The following NUP107 variants were observed in gnomAD, a reference collection of about 807,000 sequenced individuals.
The protein encoded by NUP107 is nuclear pore complex protein Nup107.
Under a neutral mutation model 141.0 loss-of-function variants are expected in NUP107, and 101 were observed. That is an observed-to-expected ratio of 0.72 (90% confidence interval 0.61 to 0.84). NUP107 has a LOEUF of 0.84. NUP107 is among the 40% of genes least tolerant of loss of function. The pLI, the probability that NUP107 is intolerant of heterozygous loss-of-function variation, is 0.00. For missense variants in NUP107, 941 were observed against 1,102.7 expected (o/e 0.85, Z 2.08); for synonymous variants, 319 against 363.9 (o/e 0.88, Z 1.41).
At chr12:68,724,144 T>A (rs893551747) in intron 17 of NUP107, among the ~76,000 whole-genome samples, 6 of 151,976 alleles carry the variant, frequency 3.9e-5, no homozygotes, top group South Asian at 4.1e-4. Flanking sequence ...GTTTTTTTTT[T>A]AAAAGTCAAG....
At position 68,743,266 on chromosome 12, in the gene NUP107, G is replaced by C. The variant is rs1878395479; in HGVS notation, c.*804G>C. The C allele has an allele frequency of 6.6e-6, 1 of 152,306 alleles. No individual in the cohort carries two copies. The highest frequency in any genetic ancestry group is 1.5e-5 in the Non-Finnish European group (1 of 68,136). 9.4% of individuals were successfully genotyped at this position (152,306 alleles called of 1,614,324 possible). ...AATACAAAAATTAGCCGGGCATGGT[G>C]GCAGGTGCCTGTAATCCCAGCTACT... On this transcript the variant is annotated 3_prime_UTR_variant, in exon 28 of 28. Coordinates refer to ENST00000229179, the MANE Select transcript of NUP107 (RefSeq NM_020401.4).
intron 5 of NUP107, among the ~76,000 whole-genome samples, chr12:68,692,713 G>A (rs1053392598): frequency 6.6e-6 from 1 of 150,950 alleles, no homozygotes. Flanking sequence ...CTCCTGAATA[G>A]TTGGGACTGC....
intron 5 of NUP107, 22 bp from the exon 6 acceptor site, chr12:68,696,793 CTTTT>C: frequency 1.5e-5 from 15 of 1,027,262 alleles, no homozygotes; most frequent in South Asian, 6.6e-5. Flanking sequence ...TTCTTTATTC[CTTTT>C]TTTTTTTTTG....
rs117267556 is a variant in NUP107, at chr12:68,713,493, G to A, written c.891-237G>A. On this transcript the variant is annotated intron_variant, in intron 10 of 27. Coordinates refer to ENST00000229179, the MANE Select transcript of NUP107 (RefSeq NM_020401.4). ...GTAGAAAGATAATCCTAGTAAAAAG[G>A]GCAAAAATTTGAACTGATACATCAC... Among the ~76,000 whole-genome samples, 1,018 of 151,988 alleles carry A rather than the reference G, an allele frequency of 6.7e-3. 19 individuals are homozygous for A. Among genetic ancestry groups the A allele is most frequent in the East Asian group, 0.059 (307 of 5,172 alleles).
At chr12:68,712,152 G>T (rs1331591979) in intron 10 of NUP107, among the ~76,000 whole-genome samples, 3 of 152,050 alleles carry the variant, frequency 2.0e-5, no homozygotes, top group Non-Finnish European at 2.9e-5. Context: ...TCAGATTGTG[G>T]CTGGGCATGG....
chr12:68,721,278 C>G (rs1054431755), intron 15 of NUP107, 101 bp downstream of exon 15: 2 of 727,560 alleles, frequency 2.7e-6, no homozygotes, highest in African/African-American at 1.8e-5. Flanking sequence ...AGTTTGTATA[C>G]TTAAGTATAT....
chr12:68,731,370 A>G, intron 21 of NUP107, 110 bp downstream of exon 21: 2 of 1,121,182 alleles, frequency 1.8e-6, no homozygotes, highest in Non-Finnish European at 2.4e-6. Context: ...TGAGGGGAAA[A>G]GAGGAATAAA....
chr12:68,728,480 G>A (rs933995584), intron 20 of NUP107, among the ~76,000 whole-genome samples: 18 of 140,192 alleles, frequency 1.3e-4, no homozygotes, highest in Admixed American at 1.2e-3. Context: ...CTGGAGTGCA[G>A]TGGCACCATC....
At chr12:68,699,400 C>G (rs1193108173) in intron 6 of NUP107, among the ~76,000 whole-genome samples, 3 of 151,936 alleles carry the variant, frequency 2.0e-5, no homozygotes, top group Admixed American at 2.0e-4. Flanking sequence ...TAAAACTACA[C>G]TAAAGAAGTC....
At chr12:68,736,545 T>C (rs1878073824) in intron 26 of NUP107, among the ~76,000 whole-genome samples, 1 of 151,990 alleles carries the variant, frequency 6.6e-6, no homozygotes, top group Non-Finnish European at 1.5e-5. Context: ...GCCTCCCCAG[T>C]AGCTAGGACA....
intron 20 of NUP107, among the ~76,000 whole-genome samples, chr12:68,728,246 G>A (rs1020431200): frequency 2.8e-5 from 4 of 144,588 alleles, no homozygotes; most frequent in African/African-American, 1.0e-4. Flanking sequence ...CTGTGATCTC[G>A]CCACTGCCCT....
intron 6 of NUP107, among the ~76,000 whole-genome samples, chr12:68,699,472 A>G (rs542172374): frequency 7.2e-5 from 11 of 152,348 alleles, no homozygotes; most frequent in African/African-American, 2.6e-4. Flanking sequence ...TTGAAATAAT[A>G]GTAATAGACA....
At chr12:68,713,249 TCTG>T (rs1785086505) in intron 10 of NUP107, among the ~76,000 whole-genome samples, 1 of 151,484 alleles carries the variant, frequency 6.6e-6, no homozygotes, top group Non-Finnish European at 1.5e-5. Context: ...GTGGCGCGTG[TCTG>T]TAGTCCCAGC....
chr12:68,727,054 T>C (rs1401319752), intron 19 of NUP107, among the ~76,000 whole-genome samples: 1 of 152,218 alleles, frequency 6.6e-6, no homozygotes, highest in Non-Finnish European at 1.5e-5. Flanking sequence ...GAGTCCTGAG[T>C]ATATACCCTT....
At chr12:68,734,008 C>T (rs1248665563) in intron 24 of NUP107, among the ~76,000 whole-genome samples, 5 of 152,178 alleles carry the variant, frequency 3.3e-5, no homozygotes, top group Non-Finnish European at 7.3e-5. Context: ...CGGTGACTCA[C>T]GCCTATAATC....
intron 5 of NUP107, among the ~76,000 whole-genome samples, chr12:68,695,163 T>C (rs1875990268): frequency 6.6e-6 from 1 of 152,178 alleles, no homozygotes. Flanking sequence ...CCTTGTGCAC[T>C]ATTGGTTGGA....
At chr12:68,690,585 A>G (rs1461499804) in intron 3 of NUP107, 46 bp from the exon 4 acceptor site, 4 of 1,611,670 alleles carry the variant, frequency 2.5e-6, no homozygotes, top group Admixed American at 1.7e-5. Flanking sequence ...TTTGATAATG[A>G]ATGCTCACGC....
At position 68,734,782 on chromosome 12, in the gene NUP107, A is replaced by G. The variant is rs569836712; in HGVS notation, c.2337A>G (p.Gln779=). 8 of 1,613,748 alleles carry G rather than the reference A, an allele frequency of 5.0e-6. No homozygotes were observed. The East Asian group carries it at 1.3e-4, about 27-fold the overall frequency. ...CACAAAAACCTGCTTTGATACCTCAACCAACTTTTACTGAGAAAGTGGCTC... is the reference window on the plus strand; with the variant it reads ...CACAAAAACCTGCTTTGATACCTCAGCCAACTTTTACTGAGAAAGTGGCTC... ...SVPQKPALIP[Q]PTFTEKVAHE... Residue 779 remains glutamine, a synonymous_variant, in exon 25 of 28, where the codon CAA becomes CAG. Coordinates refer to ENST00000229179, the MANE Select transcript of NUP107 (RefSeq NM_020401.4).
chr12:68,687,954 A>T (rs1875586246), intron 1 of NUP107, among the ~76,000 whole-genome samples: 1 of 152,154 alleles, frequency 6.6e-6, no homozygotes. Flanking sequence ...TTTGAGGAGT[A>T]AGTAGTTGTT....
Sources: gnomAD v4.1 joint callset for allele counts (sites outside exome capture counted in the v4.1 genomes callset) on GRCh38, gnomAD v4.1.1 for gene constraint, MANE v1.5 for transcripts, NCBI Gene and HGNC (gene_info 2026-07-23, HGNC 2026-07-21) for gene names.